DNAH8: variants seen among roughly 807,000 people sequenced by gnomAD.
DNAH8 encodes the protein axonemal beta dynein heavy chain 8.
A neutral mutation model predicts 562.1 loss-of-function variants in DNAH8; 382 were observed. The observed-to-expected ratio is 0.68, with a 90% CI of 0.63 to 0.74. DNAH8 has a LOEUF of 0.74. DNAH8 is among the 30% of genes least tolerant of loss of function. DNAH8 has a pLI of 0.00. For synonymous variants in DNAH8, 1,881 were observed against 1,919.4 expected (o/e 0.98, Z 0.52); for missense variants, 5,203 against 5,620.4 (o/e 0.93, Z 2.37).
intron 8 of DNAH8, among the ~76,000 whole-genome samples, chr6:38,745,548 A>G (rs1764856736): frequency 6.6e-6 from 1 of 152,176 alleles, no homozygotes. Flanking sequence ...TCTTAAAACT[A>G]TTGTACAATG....
At chr6:38,920,388 A>G (rs905928680) in intron 70 of DNAH8, among the ~76,000 whole-genome samples, 3 of 151,764 alleles carry the variant, frequency 2.0e-5, no homozygotes, top group Non-Finnish European at 4.4e-5. Context: ...TGAAAATAAG[A>G]AAGGGATCAA....
At chr6:39,006,484 G>A (rs1288857517) in intron 88 of DNAH8, among the ~76,000 whole-genome samples, 1 of 152,144 alleles carries the variant, frequency 6.6e-6, no homozygotes, top group South Asian at 2.1e-4. Context: ...TCTGATTTCT[G>A]TTGTTTCTAC....
intron 17 of DNAH8, among the ~76,000 whole-genome samples, chr6:38,784,986 A>G (rs1358396599): frequency 2.6e-5 from 4 of 152,256 alleles, no homozygotes; most frequent in African/African-American, 9.6e-5. Context: ...AAGTTTTCAG[A>G]AGAGTTTGTT....
At chr6:38,969,525 A>G (rs1309968707) in intron 82 of DNAH8, among the ~76,000 whole-genome samples, 1 of 152,120 alleles carries the variant, frequency 6.6e-6, no homozygotes, top group East Asian at 1.9e-4. Flanking sequence ...CGTTTTAGAT[A>G]GAACAAGGTC....
At chr6:38,966,211 G>GT (rs1432216925) in intron 82 of DNAH8, among the ~76,000 whole-genome samples, 1 of 152,124 alleles carries the variant, frequency 6.6e-6, no homozygotes, top group African/African-American at 2.4e-5. Flanking sequence ...AGGGAATACT[G>GT]TGAACAATTA....
At chr6:38,823,082 AT>A in intron 27 of DNAH8, 48 bp downstream of exon 27, 1 of 1,486,018 alleles carries the variant, frequency 6.7e-7, no homozygotes, top group Non-Finnish European at 9.0e-7. Context: ...TTTGTCTCTA[AT>A]TCTTGAGGGT....
At position 38,717,657 on chromosome 6, in the gene DNAH8, A is replaced by G. The variant is rs151249946; in HGVS notation, c.-35+2242A>G. Reference sequence around the variant, plus strand: ...TTTTTTTTTTTTAGAAAAGAACCATACAGAAAGTTAGGAAATTGGAAAGTA... The same window carrying G: ...TTTTTTTTTTTTAGAAAAGAACCATGCAGAAAGTTAGGAAATTGGAAAGTA... On this transcript the variant is annotated intron_variant, in intron 1 of 92. Transcript: ENST00000327475. 3.1e-3 allele frequency among the ~76,000 whole-genome samples: 467 copies of G among 151,098 alleles called. 3 individuals carry two copies. The highest frequency in any genetic ancestry group is 0.011 in the African/African-American group (436 of 41,352).
At position 38,977,506 on chromosome 6, in the gene DNAH8, T is replaced by C. The variant is rs1763753765; in HGVS notation, c.12834+2977T>C. Reference sequence around the variant, plus strand: ...GTTTGGCTGCCACTCCCTGAGAATGTTTCAGCATCCTCTTGAAGATTACTT... The same window carrying C: ...GTTTGGCTGCCACTCCCTGAGAATGCTTCAGCATCCTCTTGAAGATTACTT... On this transcript the variant is annotated intron_variant, in intron 85 of 92. Transcript: ENST00000327475. 2.6e-5 allele frequency among the ~76,000 whole-genome samples: 4 copies of C among 152,256 alleles called. No homozygotes were observed. The South Asian group carries it at 8.3e-4, about 32-fold the overall frequency.
chr6:39,019,102 G>A (rs1206362562), intron 91 of DNAH8, among the ~76,000 whole-genome samples: 1 of 152,122 alleles, frequency 6.6e-6, no homozygotes. Flanking sequence ...AATACTGGTG[G>A]GAAGGAGAGA....
intron 57 of DNAH8, among the ~76,000 whole-genome samples, chr6:38,888,136 T>C (rs1234261951): frequency 6.8e-6 from 1 of 146,750 alleles, no homozygotes; most frequent in Non-Finnish European, 1.5e-5. Flanking sequence ...ACCGTGCCCA[T>C]CCGGGAAAGG....
At chr6:39,000,604 G>C (rs1765424135) in intron 88 of DNAH8, among the ~76,000 whole-genome samples, 2 of 152,184 alleles carry the variant, frequency 1.3e-5, no homozygotes, top group African/African-American at 4.8e-5. Context: ...CTGATGATCT[G>C]TCACTGTCTT....
At chr6:38,992,236 G>A (rs915480683) in intron 88 of DNAH8, among the ~76,000 whole-genome samples, 11 of 152,110 alleles carry the variant, frequency 7.2e-5, no homozygotes, top group African/African-American at 2.7e-4. Flanking sequence ...CCAAAGTGTT[G>A]GGATTACAGG....
intron 82 of DNAH8, among the ~76,000 whole-genome samples, chr6:38,961,443 A>C (rs549792775): frequency 2.0e-5 from 3 of 152,158 alleles, no homozygotes; most frequent in East Asian, 3.9e-4. Context: ...TGAAAAACAA[A>C]ATATGACTTT....
chr6:38,827,973 T>C (rs1773510278), intron 29 of DNAH8, among the ~76,000 whole-genome samples: 2 of 152,082 alleles, frequency 1.3e-5, no homozygotes, highest in South Asian at 4.1e-4. Context: ...TAGGTGCTTA[T>C]TAAATGCAGA....
At chr6:38,780,568 T>G (rs1255015985) in intron 15 of DNAH8, among the ~76,000 whole-genome samples, 1 of 152,176 alleles carries the variant, frequency 6.6e-6, no homozygotes, top group African/African-American at 2.4e-5. Context: ...GAGGCTATTA[T>G]CCTAAGCCAA....
intron 74 of DNAH8, among the ~76,000 whole-genome samples, chr6:38,927,063 T>G (rs1782179668): frequency 6.6e-6 from 1 of 152,246 alleles, no homozygotes; most frequent in African/African-American, 2.4e-5. Flanking sequence ...TTACATGTTC[T>G]GCACTGCTCT....
chr6:38,785,788 G>A (rs543212022), intron 17 of DNAH8, among the ~76,000 whole-genome samples: 8 of 152,284 alleles, frequency 5.3e-5, no homozygotes, highest in South Asian at 2.1e-4. Context: ...GATTCTAAGC[G>A]AGTTGGATAA....
At chr6:38,797,495 T>TCCTCTCTC (rs1770377202) in intron 21 of DNAH8, among the ~76,000 whole-genome samples, 1 of 152,172 alleles carries the variant, frequency 6.6e-6, no homozygotes, top group South Asian at 2.1e-4. Context: ...CTTCCCTGTG[T>TCCTCTCTC]CCTCTCTCCC....
intron 58 of DNAH8, among the ~76,000 whole-genome samples, chr6:38,893,813 A>G (rs1239238952): frequency 6.6e-6 from 1 of 152,230 alleles, no homozygotes; most frequent in Non-Finnish European, 1.5e-5. Flanking sequence ...TGCTTTGCTG[A>G]AATAGGCGTA....
Sources: allele counts gnomAD v4.1 joint callset (sites outside exome capture counted in the v4.1 genomes callset), GRCh38; gene constraint gnomAD v4.1.1; transcripts MANE v1.5; gene names NCBI Gene and HGNC (gene_info 2026-07-23, HGNC 2026-07-21).